The following PTN variants were observed in gnomAD, a reference collection of about 807,000 sequenced individuals.
PTN encodes the protein heparin affin regulatory protein.
A neutral mutation model predicts 24.1 loss-of-function variants in PTN; 18 were observed. That is an observed-to-expected ratio of 0.75 (90% CI 0.52 to 1.11). The LOEUF (loss-of-function observed/expected upper bound fraction) is 1.11. Ranked by LOEUF, PTN falls within the 50% of genes least tolerant of loss-of-function variation. The pLI, the probability that PTN is intolerant of heterozygous loss-of-function variation, is 0.00. For missense variants in PTN, 163 were observed against 198.8 expected, an observed-to-expected ratio of 0.82 and a Z score of 1.08; for synonymous variants, 78 against 68.6, an observed-to-expected ratio of 1.14 and a Z score of -0.67.
intron 1 of PTN, among the ~76,000 whole-genome samples, chr7:137,281,584 G>A (rs6970530): frequency 0.08 from 12,246 of 152,176 alleles, 764 homozygotes; most frequent in African/African-American, 0.17. Flanking sequence ...ACGAGATTAA[G>A]ATCCCCAGCT....
chr7:137,247,059 T>C (rs571276265), intron 4 of PTN, among the ~76,000 whole-genome samples: 2 of 152,308 alleles, frequency 1.3e-5, no homozygotes, highest in African/African-American at 4.8e-5. Flanking sequence ...CCTTCACATA[T>C]TGAATTAACA....
chr7:137,279,774 G>A (rs756766467), intron 1 of PTN, among the ~76,000 whole-genome samples: 6 of 152,180 alleles, frequency 3.9e-5, no homozygotes, highest in African/African-American at 7.2e-5. Flanking sequence ...GCCATTATTA[G>A]ATGTGAATTT....
At chr7:137,268,845 T>C (rs1345500874) in intron 1 of PTN, among the ~76,000 whole-genome samples, 2 of 152,234 alleles carry the variant, frequency 1.3e-5, no homozygotes, top group African/African-American at 4.8e-5. Context: ...TCTTGTCCCT[T>C]ATTTCCCCTT....
At chr7:137,333,847 T>C (rs898031501) in intron 1 of PTN, among the ~76,000 whole-genome samples, 3 of 152,044 alleles carry the variant, frequency 2.0e-5, no homozygotes, top group Non-Finnish European at 4.4e-5. Context: ...AACAGAGATA[T>C]AGATCAACGG....
At chr7:137,315,818 G>A (rs370290854) in intron 1 of PTN, among the ~76,000 whole-genome samples, 14 of 152,134 alleles carry the variant, frequency 9.2e-5, no homozygotes, top group African/African-American at 3.1e-4. Context: ...TATAGCTGAT[G>A]GGAGGTGGCA....
At chr7:137,322,841 A>C (rs1319403976) in intron 1 of PTN, among the ~76,000 whole-genome samples, 1 of 152,192 alleles carries the variant, frequency 6.6e-6, no homozygotes, top group Non-Finnish European at 1.5e-5. Flanking sequence ...AAATAAATCC[A>C]AGAATCCATT....
intron 4 of PTN, among the ~76,000 whole-genome samples, chr7:137,236,424 T>C (rs1305265730): frequency 2.0e-5 from 3 of 152,126 alleles, no homozygotes; most frequent in Admixed American, 6.6e-5. Context: ...TCATTTAAAC[T>C]CCTAGTTTTA....
At chr7:137,292,355 G>A (rs563335154) in intron 1 of PTN, among the ~76,000 whole-genome samples, 21 of 152,260 alleles carry the variant, frequency 1.4e-4, no homozygotes, top group African/African-American at 3.6e-4. Flanking sequence ...CCCATGTCAC[G>A]GGAGGGACCT....
intron 1 of PTN, among the ~76,000 whole-genome samples, chr7:137,342,697 A>G (rs1810554431): frequency 6.6e-6 from 1 of 152,208 alleles, no homozygotes; most frequent in South Asian, 2.1e-4. Flanking sequence ...CAGAAACTCT[A>G]AATATCTAGT....
chr7:137,268,091 G>A (rs1022415837), intron 1 of PTN, among the ~76,000 whole-genome samples: 6 of 152,102 alleles, frequency 3.9e-5, no homozygotes, highest in South Asian at 2.1e-4. Flanking sequence ...AGTTTGAGAC[G>A]TCCGGACTCC....
chr7:137,290,119 AAG>A (rs1307171096), intron 1 of PTN, among the ~76,000 whole-genome samples: 1 of 152,138 alleles, frequency 6.6e-6, no homozygotes, highest in East Asian at 1.9e-4. Context: ...AGCAGCCAAA[AAG>A]AGAGAGCTCC....
chr7:137,268,230 C>T (rs1328196211), intron 1 of PTN, among the ~76,000 whole-genome samples: 1 of 152,088 alleles, frequency 6.6e-6, no homozygotes, highest in East Asian at 1.9e-4. Flanking sequence ...TCTCAGGATC[C>T]GCGTCGCTCC....
intron 1 of PTN, among the ~76,000 whole-genome samples, chr7:137,283,682 G>A (rs767420333): frequency 1.4e-4 from 22 of 151,968 alleles, no homozygotes; most frequent in Non-Finnish European, 2.1e-4. Flanking sequence ...CATACTTTTC[G>A]CAATGGTGAA....
intron 4 of PTN, among the ~76,000 whole-genome samples, chr7:137,234,711 G>A (rs1057430535): frequency 1.3e-5 from 2 of 152,038 alleles, no homozygotes; most frequent in Non-Finnish European, 2.9e-5. Context: ...TGAGAAAGTT[G>A]AGAATTCTGA....
intron 1 of PTN, among the ~76,000 whole-genome samples, chr7:137,306,094 A>T (rs1809883688): frequency 6.6e-6 from 1 of 152,118 alleles, no homozygotes; most frequent in African/African-American, 2.4e-5. Flanking sequence ...CCAGATTCTC[A>T]TTAGGTCCTG....
chr7:137,253,336 TG>T, intron 3 of PTN, 127 bp downstream of exon 3: 2 of 980,958 alleles, frequency 2.0e-6, no homozygotes, highest in Non-Finnish European at 2.9e-6. Flanking sequence ...GGGACCAGTC[TG>T]GTCACTTTGT....
intron 1 of PTN, among the ~76,000 whole-genome samples, chr7:137,298,329 AG>A (rs1809752019): frequency 6.6e-6 from 1 of 151,962 alleles, no homozygotes; most frequent in Non-Finnish European, 1.5e-5. Flanking sequence ...ACTGTCCAAA[AG>A]TTTACTGAGT....
At chr7:137,324,433 A>AAAAAAAAAAAAAAAAAAAAATATATAT in intron 1 of PTN, among the ~76,000 whole-genome samples, 1 of 88,804 alleles carries the variant, frequency 1.1e-5, no homozygotes, top group African/African-American at 6.9e-5. Context: ...AAAAAAAAAA[A>AAAAAAAAAAAAAAAAAAAAATATATAT]ATATATATAT....
intron 1 of PTN, among the ~76,000 whole-genome samples, chr7:137,296,434 G>C (rs1409188948): frequency 6.6e-6 from 1 of 152,006 alleles, no homozygotes; most frequent in Non-Finnish European, 1.5e-5. Context: ...TAAGGGAATG[G>C]GGAACTAGAG....
Sources: allele counts gnomAD v4.1 joint callset (sites outside exome capture counted in the v4.1 genomes callset), GRCh38; gene constraint gnomAD v4.1.1; transcripts MANE v1.5; gene names NCBI Gene and HGNC (gene_info 2026-07-23, HGNC 2026-07-21).